PALM2AKAP2: variants seen among roughly 807,000 people sequenced by gnomAD.
The protein encoded by PALM2AKAP2 is PALM2-AKAP2 fusion protein.
Under a neutral mutation model 71.5 loss-of-function variants are expected in PALM2AKAP2, and 37 were observed. The ratio of observed to expected loss-of-function variants is 0.52; its 90% confidence interval spans 0.40 to 0.68. The LOEUF (loss-of-function observed/expected upper bound fraction) is 0.68, where lower values mean the gene tolerates loss of function less well. Ranked by LOEUF, PALM2AKAP2 falls within the 30% of genes least tolerant of loss-of-function variation. The pLI, the probability that PALM2AKAP2 is intolerant of heterozygous loss-of-function variation, is 0.00. For missense variants in PALM2AKAP2, 1,224 were observed against 1,191.8 expected, an observed-to-expected ratio of 1.03 and a Z score of -0.40; for synonymous variants, 468 against 478.8, an observed-to-expected ratio of 0.98 and a Z score of 0.29.
exon 4 of PALM2AKAP2, chr9:110,172,100 A>T (rs931177901): frequency 9.2e-5 from 14 of 152,810 alleles, no homozygotes; most frequent in African/African-American, 3.1e-4. Flanking sequence ...AACAGTGTTG[A>T]TTCTTGTCTC....
chr9:109,721,579 G>A (rs1828405503), intron 1 of PALM2AKAP2, among the ~76,000 whole-genome samples: 1 of 152,138 alleles, frequency 6.6e-6, no homozygotes, highest in Non-Finnish European at 1.5e-5. Context: ...TATGTTTTGG[G>A]TTTTCATTGG....
intron 6 of PALM2AKAP2, among the ~76,000 whole-genome samples, chr9:109,963,989 C>T (rs915019715): frequency 1.3e-5 from 2 of 152,216 alleles, no homozygotes; most frequent in African/African-American, 4.8e-5. Context: ...TCTCGCTCTG[C>T]ACCACCAAAT....
chr9:110,020,865 T>G (rs961625625), intron 7 of PALM2AKAP2, among the ~76,000 whole-genome samples: 8 of 152,022 alleles, frequency 5.3e-5, no homozygotes, highest in African/African-American at 1.9e-4. Context: ...ATCCAAGCAC[T>G]GGGAGGCTGA....
intron 1 of PALM2AKAP2, among the ~76,000 whole-genome samples, chr9:109,725,775 CAT>C (rs1246113270): frequency 3.9e-5 from 6 of 152,130 alleles, no homozygotes; most frequent in African/African-American, 1.2e-4. Flanking sequence ...GCAACACACA[CAT>C]GTAACTCCAA....
chr9:109,983,659 G>A (rs1158408322), intron 6 of PALM2AKAP2, among the ~76,000 whole-genome samples: 1 of 152,134 alleles, frequency 6.6e-6, no homozygotes, highest in Non-Finnish European at 1.5e-5. Flanking sequence ...GAGGCTAGGA[G>A]TTCGAGACCA....
chr9:109,686,730 G>C (rs1312264463), intron 1 of PALM2AKAP2, among the ~76,000 whole-genome samples: 2 of 151,662 alleles, frequency 1.3e-5, no homozygotes. Context: ...ACAACATGCA[G>C]GTTTGTTACA....
intron 1 of PALM2AKAP2, among the ~76,000 whole-genome samples, chr9:109,685,690 T>C (rs1827797272): frequency 6.6e-6 from 1 of 152,030 alleles, no homozygotes; most frequent in Non-Finnish European, 1.5e-5. Flanking sequence ...TTTTTGGTGG[T>C]AGGGTCTTGC....
At chr9:110,145,891 C>CTTTTTTTTTTTT (rs61137720) in intron 2 of PALM2AKAP2, among the ~76,000 whole-genome samples, 2 of 64,496 alleles carry the variant, frequency 3.1e-5, no homozygotes, top group Non-Finnish European at 2.7e-5. Context: ...CCTCACTCTT[C>CTTTTTTTTTTTT]TTTTTTTTTT....
rs114752130 is a variant in PALM2AKAP2 at position 110,112,966 on chromosome 9, T to A, written c.157-23161T>A. On this transcript the variant is annotated intron_variant, in intron 1 of 3. Transcript: ENST00000374525. The stretch of plus-strand genomic sequence containing the variant: ...ATGAGCACCTCATCATCAACTAAAG[T>A]TGCTAATGCCTTTGAGGACTCTCGG... 2.6e-3 allele frequency among the ~76,000 whole-genome samples: 402 copies of A among 152,364 alleles called. 3 individuals are homozygous for A. The highest frequency in any genetic ancestry group is 9.4e-3 in the African/African-American group (391 of 41,588).
intron 1 of PALM2AKAP2, among the ~76,000 whole-genome samples, chr9:110,089,356 A>G (rs1303891608): frequency 6.6e-6 from 1 of 152,242 alleles, no homozygotes; most frequent in Non-Finnish European, 1.5e-5. Flanking sequence ...AAGCAGGTAA[A>G]AACCAGCCAT....
At chr9:110,142,340 G>T (rs1225989602) in intron 2 of PALM2AKAP2, among the ~76,000 whole-genome samples, 1 of 152,042 alleles carries the variant, frequency 6.6e-6, no homozygotes, top group Admixed American at 6.6e-5. Flanking sequence ...TGATCCGCCC[G>T]CCTTGGCCTC....
intron 1 of PALM2AKAP2, among the ~76,000 whole-genome samples, chr9:109,759,481 C>A (rs1025242308): frequency 6.6e-6 from 1 of 151,988 alleles, no homozygotes; most frequent in Non-Finnish European, 1.5e-5. Flanking sequence ...AATATAAGAC[C>A]TTTTAGAATT....
chr9:109,705,643 T>C (rs973986871), intron 1 of PALM2AKAP2, among the ~76,000 whole-genome samples: 23 of 152,228 alleles, frequency 1.5e-4, no homozygotes, highest in Admixed American at 1.2e-3. Flanking sequence ...GACTTACCAC[T>C]GGGAGGCAGA....
intron 6 of PALM2AKAP2, among the ~76,000 whole-genome samples, chr9:109,990,933 A>G (rs2132236477): frequency 6.6e-6 from 1 of 152,282 alleles, no homozygotes; most frequent in African/African-American, 2.4e-5. Context: ...GTGCCGAGTA[A>G]TTTGTTTTCA....
chr9:109,796,469 A>T lies in PALM2AKAP2; in HGVS notation c.45+15936A>T, dbSNP rs185864300. ...TAAGTGATATTTTGAGCTGTCTCCA[A>T]CAACTGTAATGTTATATAAAAAGTC... On this transcript the variant is annotated intron_variant, in intron 1 of 9. Transcript: ENST00000302798. Among the ~76,000 whole-genome samples the T allele has an allele frequency of 5.9e-3, 905 of 152,324 alleles. 5 individuals are homozygous for T. Among genetic ancestry groups the T allele is most frequent in the Middle Eastern group, 0.01 (3 of 294 alleles).
At chr9:109,972,465 G>A (rs987895871) in intron 6 of PALM2AKAP2, among the ~76,000 whole-genome samples, 1 of 152,334 alleles carries the variant, frequency 6.6e-6, no homozygotes, top group South Asian at 2.1e-4. Context: ...GTGGATGAAC[G>A]TGGGAGACAG....
chr9:109,919,304 A>T (rs994418464), intron 3 of PALM2AKAP2, among the ~76,000 whole-genome samples: 1 of 152,188 alleles, frequency 6.6e-6, no homozygotes, highest in Non-Finnish European at 1.5e-5. Context: ...AGCCTGGGAG[A>T]TGCTGCCTTC....
intron 1 of PALM2AKAP2, among the ~76,000 whole-genome samples, chr9:109,797,366 T>A (rs1827290091): frequency 6.6e-6 from 1 of 152,236 alleles, no homozygotes; most frequent in Admixed American, 6.5e-5. Context: ...TCACCTTTTT[T>A]ATCAGGGGCT....
intron 3 of PALM2AKAP2, among the ~76,000 whole-genome samples, chr9:109,907,763 C>T (rs1321899527): frequency 6.6e-6 from 1 of 152,138 alleles, no homozygotes; most frequent in Admixed American, 6.5e-5. Context: ...GAAGCTGTCA[C>T]CTGGTAATGT....
Sources: gnomAD v4.1 joint callset for allele counts (sites outside exome capture counted in the v4.1 genomes callset) on GRCh38, gnomAD v4.1.1 for gene constraint, MANE v1.5 for transcripts, NCBI Gene and HGNC (gene_info 2026-07-23, HGNC 2026-07-21) for gene names.